Variants in KIAA1217 observed in about 807,000 individuals in gnomAD.
KIAA1217 encodes sickle tail protein homolog.
In KIAA1217, 88 loss-of-function variants were observed where a neutral mutation model predicts 163.9. That is an observed-to-expected ratio of 0.54 (90% CI 0.45 to 0.64). KIAA1217 has a LOEUF of 0.64. KIAA1217 is among the 30% of genes least tolerant of loss of function. KIAA1217 has a pLI of 0.00. For missense variants in KIAA1217, 2,372 were observed against 2,475.0 expected, an observed-to-expected ratio of 0.96 and a Z score of 0.88; for synonymous variants, 903 against 923.1, an observed-to-expected ratio of 0.98 and a Z score of 0.39.
At chr10:23,862,855 T>G (rs1253245555) in intron 1 of KIAA1217, among the ~76,000 whole-genome samples, 1 of 152,138 alleles carries the variant, frequency 6.6e-6, no homozygotes, top group Admixed American at 6.6e-5. Context: ...CTTCTTGCCT[T>G]GATGCTACAT....
chr10:23,757,824 TC>T (rs1174439876), intron 1 of KIAA1217, among the ~76,000 whole-genome samples: 1 of 152,204 alleles, frequency 6.6e-6, no homozygotes, highest in Non-Finnish European at 1.5e-5. Flanking sequence ...AGCCTAAGCA[TC>T]TTTTCATATA....
chr10:24,063,381 A>T (rs1307161084), intron 2 of KIAA1217, among the ~76,000 whole-genome samples: 2 of 152,172 alleles, frequency 1.3e-5, no homozygotes, highest in Non-Finnish European at 2.9e-5. Flanking sequence ...TCCCAACACC[A>T]TTTATTAAAT....
intron 2 of KIAA1217, among the ~76,000 whole-genome samples, chr10:24,246,885 G>A (rs747487300): frequency 8.6e-5 from 13 of 152,026 alleles, no homozygotes; most frequent in African/African-American, 1.2e-4. Context: ...ACGGTGGTGC[G>A]CATCTGCAAT....
At chr10:24,339,159 T>A (rs898525518) in intron 2 of KIAA1217, among the ~76,000 whole-genome samples, 4 of 152,222 alleles carry the variant, frequency 2.6e-5, no homozygotes, top group Admixed American at 2.0e-4. Flanking sequence ...GTTCTCACAC[T>A]ATTTTCCTTA....
At chr10:24,287,668 T>G (rs2078676639) in intron 2 of KIAA1217, among the ~76,000 whole-genome samples, 1 of 152,220 alleles carries the variant, frequency 6.6e-6, no homozygotes, top group Non-Finnish European at 1.5e-5. Context: ...AGATTTTTTT[T>G]AGCCTGTTAG....
rs1564343046 is a variant in KIAA1217, at chr10:24,250,613, T to TTTTTTTTTTTTTTGA, written c.354+30704_354+30705insTTTTTTTTTTTTTGA. Among the ~76,000 whole-genome samples the TTTTTTTTTTTTTTGA allele has an allele frequency of 1.9e-3, 58 of 29,940 alleles. 29 individuals are homozygous for TTTTTTTTTTTTTTGA. The highest frequency in any genetic ancestry group is 3.9e-3 in the African/African-American group (24 of 6,096). The allele number at this position is 29,940 out of a possible 152,430, so 19.6% of individuals were successfully genotyped here. ...ACGCCTTGCTAATTTTTTTTTTTTT[T>TTTTTTTTTTTTTTGA]GTATTGTTAATAGAGACGGAGTTTC... is the stretch of plus-strand genomic sequence containing the variant. On this transcript the variant is annotated intron_variant, in intron 2 of 20. Transcript: ENST00000376454.
chr10:24,130,552 C>A (rs2063616813), intron 2 of KIAA1217, among the ~76,000 whole-genome samples: 1 of 152,040 alleles, frequency 6.6e-6, no homozygotes, highest in African/African-American at 2.4e-5. Context: ...CAAATGTATG[C>A]CTGGAATATA....
In KIAA1217 at chr10:23,790,378, TA is replaced by T. The variant is rs1357081474; in HGVS notation, c.-321+95145del. 8.1e-5 allele frequency among the ~76,000 whole-genome samples: 7 copies of T among 86,286 alleles called. 1 individual carries two copies. The highest frequency in any genetic ancestry group is 8.4e-5 in the Non-Finnish European group (4 of 47,806). 56.6% of individuals were successfully genotyped at this position (86,286 alleles called of 152,430 possible). A position where few individuals can be genotyped will look rare whatever the true frequency, so the allele number is the denominator to read the frequency against. On this transcript the variant is annotated intron_variant, in intron 1 of 18. Coordinates refer to the KIAA1217 transcript ENST00000376462. ...ATATGCATATATACATATACATATGTATATATACATATGTATATATACATAT... is the reference window on the plus strand; with the variant it reads ...ATATGCATATATACATATACATATGTTATATACATATGTATATATACATAT...
At chr10:23,839,487 T>TTCA (rs1280887321) in intron 1 of KIAA1217, among the ~76,000 whole-genome samples, 1 of 152,188 alleles carries the variant, frequency 6.6e-6, no homozygotes, top group Non-Finnish European at 1.5e-5. Context: ...TCTCTAACTC[T>TTCA]TCACCTGGTC....
chr10:23,708,407 G>A (rs139601059), intron 1 of KIAA1217, among the ~76,000 whole-genome samples: 57 of 152,278 alleles, frequency 3.7e-4, no homozygotes, highest in African/African-American at 1.3e-3. Flanking sequence ...AATTTTACAG[G>A]TGGATGCCCT....
chr10:23,725,193 A>G (rs4748908), intron 1 of KIAA1217, among the ~76,000 whole-genome samples: 8,872 of 152,280 alleles, frequency 0.058, 617 homozygotes, highest in African/African-American at 0.17. Context: ...GCACCCTGGT[A>G]TAGTTGGCTC....
chr10:23,868,921 A>G (rs149187557), intron 1 of KIAA1217, among the ~76,000 whole-genome samples: 132 of 152,252 alleles, frequency 8.7e-4, no homozygotes, highest in African/African-American at 2.9e-3. Flanking sequence ...TCTGATGTCA[A>G]TTTTCTGCCT....
intron 7 of KIAA1217, 27 bp downstream of exon 7, chr10:24,494,631 A>T: frequency 7.2e-7 from 1 of 1,388,098 alleles, no homozygotes; most frequent in Non-Finnish European, 1.0e-6. Flanking sequence ...CCAATGAAAA[A>T]AATAATTCAA....
At chr10:24,128,749 C>T (rs939586824) in intron 2 of KIAA1217, among the ~76,000 whole-genome samples, 2 of 152,190 alleles carry the variant, frequency 1.3e-5, no homozygotes, top group African/African-American at 4.8e-5. Context: ...GCTGCAAGTT[C>T]ATAGTTTATC....
intron 2 of KIAA1217, among the ~76,000 whole-genome samples, chr10:24,145,776 T>G (rs982981074): frequency 1.3e-5 from 2 of 152,224 alleles, no homozygotes; most frequent in Non-Finnish European, 1.5e-5. Flanking sequence ...GCTGAAAAAC[T>G]TGGAGTCTGA....
intron 4 of KIAA1217, among the ~76,000 whole-genome samples, chr10:24,436,757 CAAAAA>C (rs10560676): frequency 1.4e-5 from 1 of 70,872 alleles, no homozygotes; most frequent in Admixed American, 2.2e-4. Flanking sequence ...GACTCCGTCT[CAAAAA>C]AAAAAAAAAA....
At chr10:24,033,810 GA>G (rs1247125441) in intron 2 of KIAA1217, among the ~76,000 whole-genome samples, 2 of 152,148 alleles carry the variant, frequency 1.3e-5, no homozygotes, top group African/African-American at 4.8e-5. Context: ...AGTTTTATTG[GA>G]ACACAGCCTT....
At position 24,540,805 on chromosome 10, in the gene KIAA1217, G is replaced by A. The variant is rs142936852; in HGVS notation, c.3535-1888G>A. On this transcript the variant is annotated intron_variant, in intron 17 of 20. Coordinates refer to ENST00000376454, the MANE Select transcript of KIAA1217 (RefSeq NM_019590.5). Reference sequence around the variant, plus strand: ...TTTTGAGACAGAACCTTGCTCTGTCGCCCGGGAGGCTGGAGGGCAGTGGCA... The same window carrying A: ...TTTTGAGACAGAACCTTGCTCTGTCACCCGGGAGGCTGGAGGGCAGTGGCA... 6.8e-3 allele frequency among the ~76,000 whole-genome samples: 1,034 copies of A among 151,892 alleles called. 14 individuals carry two copies. The highest frequency in any genetic ancestry group is 0.024 in the African/African-American group (981 of 41,430).
intron 2 of KIAA1217, among the ~76,000 whole-genome samples, chr10:24,161,372 G>C (rs776741483): frequency 3.9e-5 from 6 of 152,190 alleles, no homozygotes; most frequent in Non-Finnish European, 7.3e-5. Context: ...CAGCAAGAGA[G>C]CCTTTCAGCA....
Sources: allele counts gnomAD v4.1 joint callset (sites outside exome capture counted in the v4.1 genomes callset), GRCh38; gene constraint gnomAD v4.1.1; transcripts MANE v1.5; gene names NCBI Gene and HGNC (gene_info 2026-07-23, HGNC 2026-07-21).